The following ERBB4 variants were observed in gnomAD, a reference collection of about 807,000 sequenced individuals.
ERBB4 encodes erb-b2 receptor tyrosine kinase 4, also known as receptor tyrosine-protein kinase erbB-4.
Under a neutral mutation model 158.0 loss-of-function variants are expected in ERBB4, and 42 were observed. The observed-to-expected ratio is 0.27, with a 90% confidence interval of 0.21 to 0.34. The LOEUF (loss-of-function observed/expected upper bound fraction) is 0.34, where lower values mean the gene tolerates loss of function less well. Ranked by LOEUF, ERBB4 falls within the 10% of genes least tolerant of loss-of-function variation. The probability of loss-of-function intolerance (pLI) is 1.00; values close to 1 mark genes in which losing one functional copy is unlikely to be tolerated. For missense variants in ERBB4, 1,333 were observed against 1,624.1 expected, an observed-to-expected ratio of 0.82 and a Z score of 3.08; for synonymous variants, 583 against 558.7, an observed-to-expected ratio of 1.04 and a Z score of -0.61.
chr2:211,685,634 A>G (rs1487246447), intron 12 of ERBB4, among the ~76,000 whole-genome samples: 1 of 152,212 alleles, frequency 6.6e-6, no homozygotes, highest in East Asian at 1.9e-4. Context: ...AAATTGTATA[A>G]TAATCTTGTC....
At chr2:211,388,728 T>C (rs774530961) in intron 25 of ERBB4, among the ~76,000 whole-genome samples, 9 of 152,124 alleles carry the variant, frequency 5.9e-5, no homozygotes. Flanking sequence ...TTTTTATAGC[T>C]TAACGCTCCA....
rs1234164489 is a variant in ERBB4, at chr2:211,380,418, G to A, written c.*3197C>T. On this transcript the variant is annotated 3_prime_UTR_variant, in exon 28 of 28. Transcript: ENST00000342788. The stretch of plus-strand genomic sequence containing the variant: ...TTGGGTGATTTAAAAAATATACTCC[G>A]TGTAATTTTAATACTAATTTGTCTC... The A allele has an allele frequency of 4.3e-5, 10 of 232,058 alleles. No individual in the cohort carries two copies. Among genetic ancestry groups the A allele is most frequent in the South Asian group, 1.8e-4 (1 of 5,524 alleles). The allele number at this position is 232,058 out of a possible 1,614,324, so 14.4% of individuals were successfully genotyped here. A position where few individuals can be genotyped will look rare whatever the true frequency, so the allele number is the denominator to read the frequency against.
chr2:212,194,295 CACACACACACACACACACACACACTT>C (rs1559714671), intron 1 of ERBB4, among the ~76,000 whole-genome samples: 1 of 147,248 alleles, frequency 6.8e-6, no homozygotes, highest in African/African-American at 2.6e-5. Context: ...AGTTTATACA[CACACACACACACACACACACACACTT>C]TGTTTCCTTT....
intron 2 of ERBB4, among the ~76,000 whole-genome samples, chr2:212,002,034 T>C (rs995576975): frequency 2.0e-5 from 3 of 152,188 alleles, no homozygotes; most frequent in East Asian, 3.8e-4. Flanking sequence ...CATATTTGAA[T>C]GTTACTGAAC....
intron 20 of ERBB4, among the ~76,000 whole-genome samples, chr2:211,485,879 T>C (rs936226921): frequency 2.0e-5 from 3 of 151,048 alleles, no homozygotes; most frequent in African/African-American, 7.3e-5. Context: ...AGAAAAGAAA[T>C]AAAAGGCATT....
At chr2:212,106,303 C>T (rs1012808716) in intron 2 of ERBB4, among the ~76,000 whole-genome samples, 1 of 152,094 alleles carries the variant, frequency 6.6e-6, no homozygotes, top group Non-Finnish European at 1.5e-5. Context: ...AGATGAAGAA[C>T]TTGTTGGGAA....
rs1468441810 is a variant in ERBB4 at position 211,892,665 on chromosome 2, T to C, written c.421+54765A>G. ...TGATTGTATATCTAGAAAACCCCATTGTTTCAGCCCAAAATCTCCTTAAGC... is the reference window on the plus strand; with the variant it reads ...TGATTGTATATCTAGAAAACCCCATCGTTTCAGCCCAAAATCTCCTTAAGC... On this transcript the variant is annotated intron_variant, in intron 3 of 27. Transcript: ENST00000342788. Among the ~76,000 whole-genome samples, 33 of 145,668 alleles carry C rather than the reference T, an allele frequency of 2.3e-4. 1 individual carries two copies. Among genetic ancestry groups the C allele is most frequent in the African/African-American group, 7.7e-4 (29 of 37,556 alleles).
intron 3 of ERBB4, among the ~76,000 whole-genome samples, chr2:211,923,777 T>C (rs1352197901): frequency 1.3e-5 from 2 of 152,066 alleles, no homozygotes; most frequent in Non-Finnish European, 2.9e-5. Context: ...GACTAGAGTA[T>C]AATGGCACAA....
intron 1 of ERBB4, among the ~76,000 whole-genome samples, chr2:212,523,861 G>T (rs1440932883): frequency 6.6e-6 from 1 of 151,926 alleles, no homozygotes; most frequent in Non-Finnish European, 1.5e-5. Context: ...CACACATGAA[G>T]GAACTCACTA....
intron 1 of ERBB4, among the ~76,000 whole-genome samples, chr2:212,212,090 G>A (rs1394653779): frequency 6.6e-6 from 1 of 152,022 alleles, no homozygotes; most frequent in Non-Finnish European, 1.5e-5. Context: ...TAATGGGATT[G>A]CTGGATCAAA....
chr2:211,747,426 C>G (rs1239346546), intron 5 of ERBB4, among the ~76,000 whole-genome samples: 1 of 152,078 alleles, frequency 6.6e-6, no homozygotes, highest in African/African-American at 2.4e-5. Flanking sequence ...TTGATAAACA[C>G]TGCCCTGTGA....
At position 211,712,203 on chromosome 2, in the gene ERBB4, G is replaced by A. The variant is rs903740474; in HGVS notation, c.998-27C>T. 8 of 1,611,912 alleles carry A rather than the reference G, an allele frequency of 5.0e-6. No homozygotes were observed. In the African/African-American group the frequency reaches 8.0e-5, roughly 16 times the overall value. On this transcript the variant is annotated intron_variant, in intron 8 of 27. Coordinates refer to ENST00000342788, the MANE Select transcript of ERBB4 (RefSeq NM_005235.3). The stretch of plus-strand genomic sequence containing the variant: ...TGTAGAAACAAGACTCAGAGTTAGG[G>A]GATTGAGAAACTTATTTTTGGCCAA...
Position 211,866,150 on chromosome 2 carries a change from C to T in ERBB4, c.422-77991G>A, listed in dbSNP as rs976619443. Among the ~76,000 whole-genome samples the T allele has an allele frequency of 3.9e-5, 6 of 152,248 alleles. No homozygotes were observed. The South Asian group carries it at 6.2e-4, about 16-fold the overall frequency. ...CCTGTAGTCCCAGCTACTCGGGAGG[C>T]TGGGGCAGGAGAATCGCCTGTACCC... On this transcript the variant is annotated intron_variant, in intron 3 of 27. Transcript: ENST00000342788.
chr2:211,495,260 A>G (rs1448393635), intron 20 of ERBB4, among the ~76,000 whole-genome samples: 1 of 152,098 alleles, frequency 6.6e-6, no homozygotes, highest in Non-Finnish European at 1.5e-5. Context: ...TTTTAGATTA[A>G]GTGTTTAAGC....
chr2:212,462,000 A>T (rs1017205524), intron 1 of ERBB4, among the ~76,000 whole-genome samples: 1 of 152,188 alleles, frequency 6.6e-6, no homozygotes, highest in Non-Finnish European at 1.5e-5. Flanking sequence ...CTGTAAGTGC[A>T]ATTAAACTTC....
At chr2:212,183,472 G>A (rs2081932191) in intron 1 of ERBB4, among the ~76,000 whole-genome samples, 1 of 151,894 alleles carries the variant, frequency 6.6e-6, no homozygotes, top group South Asian at 2.1e-4. Flanking sequence ...AACTGTTTCA[G>A]TTAAAAATCA....
At chr2:212,015,087 TATATATATATATATATATATATATAA>T (rs2076492950) in intron 2 of ERBB4, among the ~76,000 whole-genome samples, 2 of 13,224 alleles carry the variant, frequency 1.5e-4, no homozygotes, top group African/African-American at 3.3e-4. Context: ...TATATATATA[TATATATATATATATATATATATATAA>T]AAATTAGCCG....
intron 3 of ERBB4, among the ~76,000 whole-genome samples, chr2:211,831,598 A>C (rs916363800): frequency 1.3e-5 from 2 of 152,186 alleles, no homozygotes; most frequent in African/African-American, 4.8e-5. Flanking sequence ...TGATTTAGTT[A>C]CTTAAAATAA....
At chr2:211,961,889 T>A (rs551955918) in intron 2 of ERBB4, among the ~76,000 whole-genome samples, 1 of 152,164 alleles carries the variant, frequency 6.6e-6, no homozygotes, top group East Asian at 1.9e-4. Context: ...TTGGAAAAAA[T>A]ACTTTAAAAG....
Sources: gnomAD v4.1 joint callset for allele counts (sites outside exome capture counted in the v4.1 genomes callset) on GRCh38, gnomAD v4.1.1 for gene constraint, MANE v1.5 for transcripts, NCBI Gene and HGNC (gene_info 2026-07-23, HGNC 2026-07-21) for gene names.